BBOF1: variants seen among roughly 807,000 people sequenced by gnomAD.
The protein encoded by BBOF1 is basal body orientation factor 1, also known as basal body-orientation factor 1.
In BBOF1, 62 loss-of-function variants were observed where a neutral mutation model predicts 68.0. The ratio of observed to expected loss-of-function variants is 0.91; its 90% confidence interval spans 0.74 to 1.13. The LOEUF (loss-of-function observed/expected upper bound fraction) is 1.13, where lower values mean the gene tolerates loss of function less well. Ranked by LOEUF, BBOF1 falls within the 50% of genes most tolerant of loss-of-function variation. The pLI is 0.00. For synonymous variants in BBOF1, 208 were observed against 198.8 expected, an observed-to-expected ratio of 1.05 and a Z score of -0.39; for missense variants, 534 against 600.1, an observed-to-expected ratio of 0.89 and a Z score of 1.15.
intron 5 of BBOF1, 183 bp downstream of exon 5, chr14:74,040,828 T>G: frequency 1.9e-6 from 1 of 537,680 alleles, no homozygotes; most frequent in Non-Finnish European, 3.2e-6. Context: ...TATCTAGTCC[T>G]TGTTTTCTCT....
chr14:74,072,231 C>T (rs558895237), intron 9 of BBOF1: 23 of 1,614,054 alleles, frequency 1.4e-5, no homozygotes, highest in Middle Eastern at 1.6e-4. Context: ...TTGTTGATAG[C>T]GGAGCAAGAC....
At chr14:74,033,977 G>A (rs1050032385) in intron 3 of BBOF1, 51 bp from the exon 4 acceptor site, 1 of 1,484,192 alleles carries the variant, frequency 6.7e-7, no homozygotes, top group Non-Finnish European at 9.1e-7. Flanking sequence ...ACATGACTTT[G>A]TGGGACTTCT....
In BBOF1 at chr14:74,034,181, A is replaced by G; in HGVS notation, c.495+10A>G. On this transcript the variant is annotated intron_variant, in intron 4 of 11. Transcript: ENST00000394009. ...GAGAGAGTTAGATGATGTAAGTTTCATTCCTTTTTTACAAAAAGGAAATTA... is the reference window on the plus strand; with the variant it reads ...GAGAGAGTTAGATGATGTAAGTTTCGTTCCTTTTTTACAAAAAGGAAATTA... The G allele has an allele frequency of 6.6e-7, 1 of 1,512,826 alleles. No individual in the cohort carries two copies. 93.7% of individuals were successfully genotyped at this position (1,512,826 alleles called of 1,614,324 possible).
In BBOF1 at chr14:74,080,547, C is replaced by T. The variant is rs2060659912; in HGVS notation, n.1537-520C>T. Among the ~76,000 whole-genome samples the T allele has an allele frequency of 2.6e-5, 4 of 152,002 alleles. 1 individual carries two copies. In the South Asian group the frequency reaches 8.3e-4, roughly 32 times the overall value. On this transcript the variant is annotated intron_variant and non_coding_transcript_variant, in intron 10 of 12. Transcript: ENST00000492026. ...CTCGCTCTCAGGCTCAAGTGATCCT[C>T]TTGCCTCAGTCTCCCAAGTACCTAG...
At position 74,062,167 on chromosome 14, in the gene BBOF1, A is replaced by C. The variant is rs143143344; in HGVS notation, c.1579-2521A>C. Among the ~76,000 whole-genome samples the C allele has an allele frequency of 2.0e-5, 3 of 151,504 alleles. No homozygotes were observed. The South Asian group carries it at 6.3e-4, about 32-fold the overall frequency. Reference sequence around the variant, plus strand: ...AGCCGAGAATGCACCATTGCACTCCAGCCTGGGCAACAGAGCAAAACTCCC... The same window carrying C: ...AGCCGAGAATGCACCATTGCACTCCCGCCTGGGCAACAGAGCAAAACTCCC... On this transcript the variant is annotated intron_variant, in intron 11 of 11. Coordinates refer to ENST00000394009, the MANE Select transcript of BBOF1 (RefSeq NM_025057.3).
intron 4 of BBOF1, among the ~76,000 whole-genome samples, chr14:74,037,848 G>A (rs540798182): frequency 3.6e-4 from 55 of 151,672 alleles, no homozygotes; most frequent in African/African-American, 1.2e-3. Flanking sequence ...CCAGCTACTC[G>A]GGAGGCTGAG....
chr14:74,032,520 G>C (rs1156340538), intron 3 of BBOF1, among the ~76,000 whole-genome samples: 1 of 145,118 alleles, frequency 6.9e-6, no homozygotes, highest in Non-Finnish European at 1.5e-5. Flanking sequence ...TTGAGGCGGA[G>C]TCTTGCTCTG....
chr14:74,028,368 C>CA (rs894166521), intron 2 of BBOF1, among the ~76,000 whole-genome samples: 18 of 148,890 alleles, frequency 1.2e-4, no homozygotes, highest in Admixed American at 8.1e-4. Flanking sequence ...GACTCTGTCT[C>CA]AAAAAAAAGA....
At chr14:74,056,861 G>A (rs754184495) in intron 9 of BBOF1, 45 bp from the exon 10 acceptor site, 2 of 1,293,398 alleles carry the variant, frequency 1.5e-6, no homozygotes, top group Non-Finnish European at 2.2e-6. Context: ...GGCATGAGGA[G>A]ACACTGCCTC....
intron 4 of BBOF1, among the ~76,000 whole-genome samples, chr14:74,037,459 ATTT>A (rs1280451837): frequency 7.9e-6 from 1 of 126,772 alleles, no homozygotes. Context: ...CACCTGGCTA[ATTT>A]TTTTTTTTTT....
chr14:74,031,083 G>A (rs1422111121), intron 3 of BBOF1, among the ~76,000 whole-genome samples: 1 of 151,134 alleles, frequency 6.6e-6, no homozygotes, highest in Admixed American at 6.6e-5. Context: ...TCACTCCATA[G>A]CAGTATGTAG....
intron 6 of BBOF1, 113 bp downstream of exon 6, chr14:74,046,243 A>G (rs1176504353): frequency 4.5e-6 from 4 of 885,724 alleles, no homozygotes; most frequent in South Asian, 4.0e-5. Context: ...ACTTGCTTCA[A>G]ATTTTCTGGT....
intron 1 of BBOF1, 124 bp downstream of exon 1, chr14:74,019,658 G>T (rs1347303976): frequency 4.1e-6 from 6 of 1,475,376 alleles, no homozygotes; most frequent in Non-Finnish European, 5.5e-6. Flanking sequence ...CTCCCGGCTT[G>T]TGAGGATTAC....
At chr14:74,055,098 A>G (rs994813848) in intron 8 of BBOF1, 2 of 155,282 alleles carry the variant, frequency 1.3e-5, no homozygotes, top group African/African-American at 4.9e-5. Context: ...TGTTGTCCTT[A>G]TCAACTTTAT....
At position 74,064,772 on chromosome 14, in the gene BBOF1, T is replaced by G. The variant is rs2060431755; in HGVS notation, c.*73T>G. The G allele has an allele frequency of 1.2e-6, 2 of 1,612,208 alleles. No homozygotes were observed. The highest frequency in any genetic ancestry group is 1.7e-6 in the Non-Finnish European group (2 of 1,178,220). ...GCAGAATCCTTGCTCCTGAATATCT[T>G]TAAGAAAATTTCTTAAAGGAAAAGA... On this transcript the variant is annotated 3_prime_UTR_variant, in exon 12 of 12. Coordinates refer to ENST00000394009, the MANE Select transcript of BBOF1 (RefSeq NM_025057.3).
rs773004393 is a variant in BBOF1 at position 74,019,510 on chromosome 14, G to A, written c.32G>A (p.Gly11Asp). 1.4e-5 allele frequency: 23 copies of A among 1,604,872 alleles called. 1 individual carries two copies. In the South Asian group the frequency reaches 2.6e-4, roughly 18 times the overall value. ...TCGAAGGGAAAGGACAAAAAGAAAG[G>A]CAAGAGCAAAGGCAAAGACACGAAG... MPSKGKDKKK[G>D]KSKGKDTKKL... Residue 11 changes from glycine to aspartate, a missense_variant, in exon 1 of 12, where the codon GGC becomes GAC. Gly to Asp is a moderately conservative substitution (Grantham distance 94). Transcript: ENST00000394009.
chr14:74,067,472 C>T (rs763539195), downstream of BBOF1: 8 of 1,614,220 alleles, frequency 5.0e-6, no homozygotes, highest in Middle Eastern at 1.7e-4. Context: ...AAGAGCCATG[C>T]AGCGCTGACC....
intron 8 of BBOF1, among the ~76,000 whole-genome samples, chr14:74,054,066 C>CA (rs2060128207): frequency 6.6e-6 from 1 of 151,934 alleles, no homozygotes; most frequent in Non-Finnish European, 1.5e-5. Context: ...TTAGTAGAGA[C>CA]AGAGTTTCAC....
chr14:74,068,895 C>T (rs748673316), downstream of BBOF1: 1 of 1,613,970 alleles, frequency 6.2e-7, no homozygotes, highest in Non-Finnish European at 8.5e-7. Context: ...TGTCTTGATC[C>T]TCTCTCGAAG....
Sources: gnomAD v4.1 joint callset for allele counts (sites outside exome capture counted in the v4.1 genomes callset) on GRCh38, gnomAD v4.1.1 for gene constraint, MANE v1.5 for transcripts, NCBI Gene and HGNC (gene_info 2026-07-23, HGNC 2026-07-21) for gene names.